The following SLC4A4 variants were observed in gnomAD, a reference collection of about 807,000 sequenced individuals.
SLC4A4 encodes the protein electrogenic sodium bicarbonate cotransporter 1.
In SLC4A4, 27 loss-of-function variants were observed where a neutral mutation model predicts 111.5. The ratio of observed to expected loss-of-function variants is 0.24; its 90% CI spans 0.18 to 0.33. The LOEUF is 0.33. Ranked by LOEUF, SLC4A4 falls within the 10% of genes least tolerant of loss-of-function variation. The pLI is 1.00. For missense variants in SLC4A4, 909 were observed against 1,315.5 expected (o/e 0.69, Z 4.78); for synonymous variants, 443 against 463.4 (o/e 0.96, Z 0.57).
At chr4:71,356,312 T>TGGTAGTAAGACTAA (rs1273568617) in intron 5 of SLC4A4, among the ~76,000 whole-genome samples, 1 of 152,218 alleles carries the variant, frequency 6.6e-6, no homozygotes, top group East Asian at 1.9e-4. Context: ...ACTTTTTTTT[T>TGGTAGTAAGACTAA]GGTAGTAAGA....
chr4:71,455,513 G>T (rs1025807745), intron 12 of SLC4A4, among the ~76,000 whole-genome samples: 1 of 152,086 alleles, frequency 6.6e-6, no homozygotes, highest in Non-Finnish European at 1.5e-5. Context: ...GGAGAAGATG[G>T]CACTGGGGAA....
At chr4:71,550,200 G>A (rs1322981533) in intron 20 of SLC4A4, among the ~76,000 whole-genome samples, 1 of 151,946 alleles carries the variant, frequency 6.6e-6, no homozygotes, top group African/African-American at 2.4e-5. Context: ...ATAGCATACT[G>A]TACACAACCT....
chr4:71,088,152 T>G (rs1742249025), intron 1 of SLC4A4, among the ~76,000 whole-genome samples: 1 of 152,100 alleles, frequency 6.6e-6, no homozygotes, highest in African/African-American at 2.4e-5. Flanking sequence ...CCCTTTACCA[T>G]TATGTAATGA....
rs756462462 is a variant in SLC4A4 at position 71,497,620 on chromosome 4, C to G, written c.2094C>G (p.Ile698Met). Residue 698 changes from isoleucine to methionine, a missense_variant, in exon 16 of 26, where the codon ATC becomes ATG. Physicochemically the swap from Ile to Met is conservative, Grantham distance 10 (BLOSUM62 1). Coordinates refer to ENST00000264485, the MANE Select transcript of SLC4A4 (RefSeq NM_001098484.3). ...FVPDITLMSFILFLGTYTSSM... is the reference protein window; with the variant it reads ...FVPDITLMSFMLFLGTYTSSM... ...CTGATATCACACTCATGTCTTTTATCCTCTTCTTGGGAACCTACACCTCTT... is the reference window on the plus strand; with the variant it reads ...CTGATATCACACTCATGTCTTTTATGCTCTTCTTGGGAACCTACACCTCTT... The G allele has an allele frequency of 6.2e-7, 1 of 1,613,702 alleles. No individual in the cohort carries two copies. Among genetic ancestry groups the G allele is most frequent in the Non-Finnish European group, 8.5e-7 (1 of 1,179,770 alleles).
intron 3 of SLC4A4, among the ~76,000 whole-genome samples, chr4:71,287,233 G>A (rs530972070): frequency 7.2e-5 from 11 of 152,292 alleles, no homozygotes; most frequent in African/African-American, 2.6e-4. Flanking sequence ...AGAACAGAAA[G>A]CAACAGGGAG....
chr4:71,097,940 T>C (rs922452331), intron 2 of SLC4A4, among the ~76,000 whole-genome samples: 23 of 152,200 alleles, frequency 1.5e-4, no homozygotes, highest in African/African-American at 5.5e-4. Flanking sequence ...GATGCATAGT[T>C]TGCAAATATT....
intron 1 of SLC4A4, among the ~76,000 whole-genome samples, chr4:71,208,423 T>G (rs1439809068): frequency 2.2e-5 from 3 of 136,362 alleles, no homozygotes; most frequent in Non-Finnish European, 4.5e-5. Flanking sequence ...AGGGTGAGAC[T>G]CCGTCTCAAA....
chr4:71,229,710 G>T (rs559738665), intron 1 of SLC4A4, among the ~76,000 whole-genome samples: 1 of 151,840 alleles, frequency 6.6e-6, no homozygotes, highest in Non-Finnish European at 1.5e-5. Flanking sequence ...CTTTCCCCCA[G>T]TATGGATGTC....
intron 3 of SLC4A4, chr4:71,300,559 A>G (rs1560390666): frequency 3.8e-6 from 1 of 266,234 alleles, no homozygotes; most frequent in Non-Finnish European, 7.7e-6. Context: ...GAGCACACCA[A>G]AGGTGTAGAG....
At chr4:71,269,179 T>C (rs1331744221) in intron 3 of SLC4A4, among the ~76,000 whole-genome samples, 1 of 152,244 alleles carries the variant, frequency 6.6e-6, no homozygotes, top group Admixed American at 6.5e-5. Flanking sequence ...TGCAGTCAAA[T>C]CTTGGAGGAT....
rs1737830878 is a variant in SLC4A4, at chr4:71,570,153, T to C, written c.*2402T>C. On this transcript the variant is annotated 3_prime_UTR_variant, in exon 26 of 26. Coordinates refer to ENST00000264485, the MANE Select transcript of SLC4A4 (RefSeq NM_001098484.3). ...TATAAAAGCTCTAGATAAAACTTTC[T>C]TTTCTGATCATGAATCAAGTATCTG... 1 of 151,818 alleles carries C rather than the reference T, an allele frequency of 6.6e-6. No homozygotes were observed. The highest frequency in any genetic ancestry group is 1.5e-5 in the Non-Finnish European group (1 of 67,836). The allele number at this position is 151,818 out of a possible 1,614,324, so 9.4% of individuals were successfully genotyped here. A position where few individuals can be genotyped will look rare whatever the true frequency, so the allele number is the denominator to read the frequency against.
chr4:71,233,084 G>A (rs917218671), intron 1 of SLC4A4, among the ~76,000 whole-genome samples: 2 of 152,202 alleles, frequency 1.3e-5, no homozygotes, highest in African/African-American at 4.8e-5. Flanking sequence ...TGTAATGGAT[G>A]GGTTCTTGTC....
At chr4:71,545,641 T>C (rs1735453959) in intron 18 of SLC4A4, among the ~76,000 whole-genome samples, 1 of 152,062 alleles carries the variant, frequency 6.6e-6, no homozygotes, top group South Asian at 2.1e-4. Context: ...TGGGCAATGT[T>C]TGAAATCGGC....
chr4:71,239,735 C>G (rs1720058113), intron 2 of SLC4A4, among the ~76,000 whole-genome samples: 1 of 152,152 alleles, frequency 6.6e-6, no homozygotes, highest in Non-Finnish European at 1.5e-5. Context: ...AAGAGATACT[C>G]TTTCAAAATG....
At chr4:71,081,175 G>A (rs1741984998) in intron 1 of SLC4A4, among the ~76,000 whole-genome samples, 2 of 152,206 alleles carry the variant, frequency 1.3e-5, no homozygotes, top group East Asian at 1.9e-4. Context: ...TTCCCACCCT[G>A]AGAGTACAAA....
At chr4:71,141,303 G>A (rs114979275) in intron 2 of SLC4A4, among the ~76,000 whole-genome samples, 4,439 of 152,192 alleles carry the variant, frequency 0.029, 229 homozygotes, top group African/African-American at 0.1. Context: ...GTGATCATGT[G>A]ACCTGCTTGC....
intron 16 of SLC4A4, among the ~76,000 whole-genome samples, chr4:71,530,385 G>A (rs1733813934): frequency 6.6e-6 from 1 of 152,140 alleles, no homozygotes; most frequent in Non-Finnish European, 1.5e-5. Context: ...ATGTTTTGCA[G>A]ATGAAGTAAT....
At chr4:71,247,967 G>C (rs1303784895) in intron 2 of SLC4A4, among the ~76,000 whole-genome samples, 1 of 152,110 alleles carries the variant, frequency 6.6e-6, no homozygotes, top group African/African-American at 2.4e-5. Flanking sequence ...GCCATTGAAA[G>C]CTCTGGGGGA....
intron 6 of SLC4A4, among the ~76,000 whole-genome samples, chr4:71,377,966 G>T (rs1325054697): frequency 6.6e-6 from 1 of 151,938 alleles, no homozygotes; most frequent in Non-Finnish European, 1.5e-5. Flanking sequence ...CTTCTTATAT[G>T]GTAAGAGAAA....
Sources: allele counts gnomAD v4.1 joint callset (sites outside exome capture counted in the v4.1 genomes callset), GRCh38; gene constraint gnomAD v4.1.1; transcripts MANE v1.5; gene names NCBI Gene and HGNC (gene_info 2026-07-23, HGNC 2026-07-21).